The following ADGRB3 variants were observed in gnomAD, a reference collection of about 807,000 sequenced individuals.
The protein encoded by ADGRB3 is adhesion G protein-coupled receptor B3.
A neutral mutation model predicts 193.4 loss-of-function variants in ADGRB3; 37 were observed. That is an observed-to-expected ratio of 0.19 (90% CI 0.15 to 0.25). ADGRB3 has a LOEUF of 0.25. ADGRB3 is among the 10% of genes least tolerant of loss of function. The probability of loss-of-function intolerance (pLI) is 1.00; values close to 1 mark genes in which losing one functional copy is unlikely to be tolerated. For missense variants in ADGRB3, 1,637 were observed against 1,852.9 expected, an observed-to-expected ratio of 0.88 and a Z score of 2.14; for synonymous variants, 690 against 644.2, an observed-to-expected ratio of 1.07 and a Z score of -1.08.
chr6:68,749,907 A>C lies in ADGRB3; in HGVS notation c.757+110475A>C, dbSNP rs56392194. On this transcript the variant is annotated intron_variant, in intron 3 of 31. Coordinates refer to ENST00000370598, the MANE Select transcript of ADGRB3 (RefSeq NM_001704.3). ...GTAATCTGAATCTATAAAATATTAC[A>C]TTGTTTATAACAAATGAGTTAACAA... 7.0e-4 allele frequency among the ~76,000 whole-genome samples: 106 copies of C among 152,320 alleles called. 1 individual carries two copies. Among genetic ancestry groups the C allele is most frequent in the Non-Finnish European group, 1.1e-3 (77 of 68,020 alleles).
At chr6:69,325,627 G>A (rs1768551046) in intron 21 of ADGRB3, among the ~76,000 whole-genome samples, 1 of 152,036 alleles carries the variant, frequency 6.6e-6, no homozygotes, top group South Asian at 2.1e-4. Context: ...CTATATTATA[G>A]GGCCAATTCT....
At chr6:69,024,469 G>T (rs1770367375) in intron 13 of ADGRB3, among the ~76,000 whole-genome samples, 1 of 152,144 alleles carries the variant, frequency 6.6e-6, no homozygotes, top group African/African-American at 2.4e-5. Flanking sequence ...TAATCTTTAT[G>T]AATTTACTTT....
At chr6:69,040,367 TTCTTTCTTTCCTTCTCTC>T (rs1282503857) in intron 13 of ADGRB3, among the ~76,000 whole-genome samples, 933 of 54,242 alleles carry the variant, frequency 0.017, 22 homozygotes, top group East Asian at 0.058. Flanking sequence ...CTTTCTTTCT[TTCTTTCTTTCCTTCTCTC>T]TCTTTCTTTC....
At chr6:69,275,307 A>T (rs1767279091) in intron 20 of ADGRB3, among the ~76,000 whole-genome samples, 1 of 152,124 alleles carries the variant, frequency 6.6e-6, no homozygotes, top group African/African-American at 2.4e-5. Flanking sequence ...CTTTATTCCA[A>T]CTAAAATTCT....
intron 17 of ADGRB3, among the ~76,000 whole-genome samples, chr6:69,164,297 T>C (rs1775076778): frequency 6.6e-6 from 1 of 151,466 alleles, no homozygotes; most frequent in African/African-American, 2.4e-5. Context: ...ATTTGCTGAA[T>C]GAAGGGAGAC....
intron 17 of ADGRB3, among the ~76,000 whole-genome samples, chr6:69,151,581 G>A (rs901057662): frequency 1.3e-5 from 2 of 152,046 alleles, no homozygotes; most frequent in Admixed American, 1.3e-4. Context: ...CTGATTTTTG[G>A]TCCTTATGAA....
chr6:69,339,233 T>C, intron 25 of ADGRB3, 100 bp from the exon 26 acceptor site: 1 of 1,404,584 alleles, frequency 7.1e-7, no homozygotes, highest in African/African-American at 1.4e-5. Flanking sequence ...AAGTTAATGG[T>C]CTTGGAACCA....
At chr6:68,679,810 A>AT (rs1193423887) in intron 3 of ADGRB3, among the ~76,000 whole-genome samples, 7 of 152,186 alleles carry the variant, frequency 4.6e-5, no homozygotes, top group African/African-American at 1.7e-4. Flanking sequence ...AATGTAGTAT[A>AT]TTTTTCCTAT....
intron 3 of ADGRB3, among the ~76,000 whole-genome samples, chr6:68,752,980 A>G (rs1341002017): frequency 6.6e-6 from 1 of 152,182 alleles, no homozygotes; most frequent in African/African-American, 2.4e-5. Context: ...TTCTGTTTTA[A>G]CTTAACAAGC....
intron 20 of ADGRB3, among the ~76,000 whole-genome samples, chr6:69,259,588 C>T (rs1226701006): frequency 1.4e-5 from 2 of 147,746 alleles, no homozygotes; most frequent in Admixed American, 6.9e-5. Context: ...CCCAGCTACT[C>T]GGGAGGCTGA....
At chr6:69,148,251 T>A (rs762604708) in intron 17 of ADGRB3, among the ~76,000 whole-genome samples, 1 of 152,148 alleles carries the variant, frequency 6.6e-6, no homozygotes, top group Non-Finnish European at 1.5e-5. Flanking sequence ...GTGATTTTTC[T>A]GATGGTATTT....
intron 3 of ADGRB3, among the ~76,000 whole-genome samples, chr6:68,754,496 C>T (rs189104205): frequency 6.6e-6 from 1 of 152,284 alleles, no homozygotes; most frequent in East Asian, 1.9e-4. Context: ...CTGGTGGATT[C>T]TGAAAACACA....
At chr6:68,730,286 C>T (rs986249566) in intron 3 of ADGRB3, among the ~76,000 whole-genome samples, 7 of 151,574 alleles carry the variant, frequency 4.6e-5, no homozygotes, top group African/African-American at 1.7e-4. Flanking sequence ...GATGAACCAT[C>T]GTAAGAGGGA....
At chr6:68,838,340 C>T (rs554273101) in intron 3 of ADGRB3, among the ~76,000 whole-genome samples, 7 of 152,258 alleles carry the variant, frequency 4.6e-5, no homozygotes, top group Admixed American at 3.3e-4. Flanking sequence ...CTGTAAAACT[C>T]GCAGTAATAT....
chr6:68,992,332 A>G (rs1449949941), intron 10 of ADGRB3, among the ~76,000 whole-genome samples: 2 of 152,184 alleles, frequency 1.3e-5, no homozygotes, highest in Non-Finnish European at 2.9e-5. Context: ...GTTTAGAAGC[A>G]GCACTGGAGT....
intron 3 of ADGRB3, among the ~76,000 whole-genome samples, chr6:68,857,324 G>T (rs1765016172): frequency 6.6e-6 from 1 of 152,214 alleles, no homozygotes; most frequent in African/African-American, 2.4e-5. Flanking sequence ...TGAAAAAGCT[G>T]CAGACACTCA....
chr6:69,260,032 T>C (rs1766889239), intron 20 of ADGRB3, among the ~76,000 whole-genome samples: 1 of 152,196 alleles, frequency 6.6e-6, no homozygotes, highest in African/African-American at 2.4e-5. Flanking sequence ...TTGTGTAAAG[T>C]CTGTTTTAAT....
At chr6:69,036,916 T>C (rs918288294) in intron 13 of ADGRB3, among the ~76,000 whole-genome samples, 1 of 152,186 alleles carries the variant, frequency 6.6e-6, no homozygotes, top group Non-Finnish European at 1.5e-5. Flanking sequence ...AGTCATAATC[T>C]GCTTTATATT....
chr6:68,926,779 C>T (rs6937418), intron 3 of ADGRB3, among the ~76,000 whole-genome samples: 116,603 of 152,078 alleles, frequency 0.77, 46,187 homozygotes, highest in Non-Finnish European at 0.88. Flanking sequence ...AATTCGATTT[C>T]ACATTATTAT....
Sources: gnomAD v4.1 joint callset for allele counts (sites outside exome capture counted in the v4.1 genomes callset) on GRCh38, gnomAD v4.1.1 for gene constraint, MANE v1.5 for transcripts, NCBI Gene and HGNC (gene_info 2026-07-23, HGNC 2026-07-21) for gene names.